MMS22L: variants seen among roughly 807,000 people sequenced by gnomAD.
The protein encoded by MMS22L is MMS22 like, DNA repair protein.
MMS22L carries 74 observed loss-of-function variants against 159.1 expected under a neutral mutation model. The ratio of observed to expected loss-of-function variants is 0.47; its 90% CI spans 0.39 to 0.56. MMS22L has a LOEUF of 0.56. Ranked by LOEUF, MMS22L falls within the 20% of genes least tolerant of loss-of-function variation. The pLI is 0.00. For synonymous variants in MMS22L, 517 were observed against 506.9 expected (o/e 1.02, Z -0.27); for missense variants, 1,351 against 1,422.1 (o/e 0.95, Z 0.80).
At chr6:97,225,220 T>C (rs1275663950) in intron 14 of MMS22L, among the ~76,000 whole-genome samples, 2 of 152,190 alleles carry the variant, frequency 1.3e-5, no homozygotes, top group Admixed American at 6.5e-5. Context: ...TAAGATGAAG[T>C]TGGTGAATGA....
intron 22 of MMS22L, among the ~76,000 whole-genome samples, chr6:97,159,670 T>C (rs1802217890): frequency 2.0e-5 from 3 of 152,024 alleles, no homozygotes; most frequent in Admixed American, 6.6e-5. Context: ...GCTGACCTGA[T>C]GCCATAAGTG....
chr6:97,272,833 A>G lies in MMS22L; in HGVS notation c.477T>C (p.Tyr159=). Residue 159 remains tyrosine, a synonymous_variant, in exon 6 of 25, where the codon TAT becomes TAC. Transcript: ENST00000683635. ...AGGGAAGCTGAGCCTCCAAAGCCTC[A>G]TAAGGATGGACAGGAACATGACTCT... ...NAESHVPVHP[Y]EALEAQLPSV... The G allele has an allele frequency of 6.2e-7, 1 of 1,614,096 alleles. No individual in the cohort carries two copies. The highest frequency in any genetic ancestry group is 8.5e-7 in the Non-Finnish European group (1 of 1,179,990).
intron 14 of MMS22L, among the ~76,000 whole-genome samples, chr6:97,190,430 A>G (rs1273253336): frequency 2.6e-5 from 4 of 152,236 alleles, no homozygotes; most frequent in Admixed American, 2.6e-4. Context: ...CATTAAGATC[A>G]GTTTGGAAAT....
At chr6:97,189,177 T>C (rs1361407160) in intron 14 of MMS22L, among the ~76,000 whole-genome samples, 1 of 150,486 alleles carries the variant, frequency 6.6e-6, no homozygotes, top group Admixed American at 6.7e-5. Flanking sequence ...ACCTTTGACC[T>C]CTCCACAACA....
At chr6:97,241,792 G>GTGACACA (rs745895249) in intron 11 of MMS22L, among the ~76,000 whole-genome samples, 76 of 152,288 alleles carry the variant, frequency 5.0e-4, no homozygotes, top group Admixed American at 2.2e-3. Context: ...CAGAGGTTTT[G>GTGACACA]ATAGGTTGTG....
chr6:97,166,749 G>C (rs1357020755), intron 20 of MMS22L, among the ~76,000 whole-genome samples: 1 of 152,000 alleles, frequency 6.6e-6, no homozygotes, highest in African/African-American at 2.4e-5. Flanking sequence ...TTATTAAATG[G>C]ACTGTTTGGG....
In MMS22L at chr6:97,144,983, C is replaced by G. The variant is rs1800841730; in HGVS notation, c.*1823G>C. The G allele has an allele frequency of 6.7e-6, 1 of 148,500 alleles. No homozygotes were observed. Among genetic ancestry groups the G allele is most frequent in the Non-Finnish European group, 1.5e-5 (1 of 67,488 alleles). The allele number at this position is 148,500 out of a possible 1,614,324, so 9.2% of individuals were successfully genotyped here. A position where few individuals can be genotyped will look rare whatever the true frequency, so the allele number is the denominator to read the frequency against. On this transcript the variant is annotated 3_prime_UTR_variant, in exon 25 of 25. Transcript: ENST00000683635. The stretch of plus-strand genomic sequence containing the variant: ...TTTTCATACTCTAAGGAGCAAGATT[C>G]TCAAAGGTATCTTTATCAATCTCCT...
chr6:97,235,790 T>C (rs1811329614), intron 11 of MMS22L, among the ~76,000 whole-genome samples: 1 of 152,058 alleles, frequency 6.6e-6, no homozygotes, highest in African/African-American at 2.4e-5. Context: ...AATAAAGTCC[T>C]TGAACAGGTG....
chr6:97,204,794 CAA>C (rs58113888), intron 14 of MMS22L, among the ~76,000 whole-genome samples: 2,253 of 106,340 alleles, frequency 0.021, 56 homozygotes, highest in African/African-American at 0.075. Context: ...GACTCAGTGT[CAA>C]AAAAAAAAAA....
chr6:97,260,946 C>G (rs879819335), intron 9 of MMS22L: 21 of 151,816 alleles, frequency 1.4e-4, no homozygotes, highest in Non-Finnish European at 2.1e-4. Flanking sequence ...TCTGCTTTCT[C>G]TTCTGGTGCC....
intron 14 of MMS22L, among the ~76,000 whole-genome samples, chr6:97,198,862 T>C (rs1207623648): frequency 1.3e-5 from 2 of 152,180 alleles, no homozygotes; most frequent in Non-Finnish European, 2.9e-5. Context: ...ATGAAACATA[T>C]GCTGAGACAT....
chr6:97,160,355 A>C (rs1009935676), intron 22 of MMS22L, among the ~76,000 whole-genome samples: 13 of 152,054 alleles, frequency 8.5e-5, no homozygotes, highest in Admixed American at 5.3e-4. Flanking sequence ...CAGTTTTGAA[A>C]GGTAGCTTTG....
chr6:97,274,087 G>C (rs1816021822), intron 4 of MMS22L, among the ~76,000 whole-genome samples: 1 of 152,058 alleles, frequency 6.6e-6, no homozygotes, highest in African/African-American at 2.4e-5. Flanking sequence ...TAATTATCTA[G>C]GTAGTTACTA....
chr6:97,150,038 T>G lies in MMS22L; in HGVS notation c.3483-18A>C. ...TAAACTGCCTGAAAGTAAAACAGGT[T>G]TATTTAGGATTACTCCTGGGGCAAT... On this transcript the variant is annotated intron_variant, in intron 23 of 24. Coordinates refer to ENST00000683635, the MANE Select transcript of MMS22L (RefSeq NM_001350599.2). 2 of 1,608,436 alleles carry G rather than the reference T, an allele frequency of 1.2e-6. No individual in the cohort carries two copies. The highest frequency in any genetic ancestry group is 1.7e-6 in the Non-Finnish European group (2 of 1,176,420).
At chr6:97,259,513 T>C (rs547589251) in intron 9 of MMS22L, 2 of 152,298 alleles carry the variant, frequency 1.3e-5, no homozygotes, top group African/African-American at 4.8e-5. Flanking sequence ...GAAACACTGT[T>C]CTTTTCCTGC....
chr6:97,246,166 GA>G (rs1812619290), intron 11 of MMS22L: 1 of 453,686 alleles, frequency 2.2e-6, no homozygotes, highest in South Asian at 1.6e-5. Context: ...TCTGCAGAAA[GA>G]AAAATGATAA....
intron 10 of MMS22L, among the ~76,000 whole-genome samples, chr6:97,252,397 CAGGCAGATTAACTGAGGT>C (rs575879413): frequency 0.027 from 4,054 of 152,114 alleles, 88 homozygotes; most frequent in Middle Eastern, 0.058. Flanking sequence ...GAGGCCGAGG[CAGGCAGATTAACTGAGGT>C]AGGCAGATTA....
chr6:97,228,749 C>G, intron 14 of MMS22L, 145 bp downstream of exon 14: 2 of 707,334 alleles, frequency 2.8e-6, no homozygotes, highest in South Asian at 4.5e-5. Context: ...CTGATTTATG[C>G]CCATGTAGTA....
chr6:97,149,186 T>C (rs1345490304), intron 24 of MMS22L, among the ~76,000 whole-genome samples: 1 of 152,170 alleles, frequency 6.6e-6, no homozygotes, highest in Non-Finnish European at 1.5e-5. Context: ...TTAGAACTTA[T>C]CCCTGTCGTT....
Sources: gnomAD v4.1 joint callset for allele counts (sites outside exome capture counted in the v4.1 genomes callset) on GRCh38, gnomAD v4.1.1 for gene constraint, MANE v1.5 for transcripts, NCBI Gene and HGNC (gene_info 2026-07-23, HGNC 2026-07-21) for gene names.